CAP2: variants seen among roughly 807,000 people sequenced by gnomAD.
CAP2 encodes the protein cyclase associated actin cytoskeleton regulatory protein 2, also known as adenylyl cyclase-associated protein 2.
Under a neutral mutation model 57.7 loss-of-function variants are expected in CAP2, and 24 were observed. That is an observed-to-expected ratio of 0.42 (90% confidence interval 0.30 to 0.58). The LOEUF (loss-of-function observed/expected upper bound fraction) is 0.58, where lower values mean the gene tolerates loss of function less well. Ranked by LOEUF, CAP2 falls within the 20% of genes least tolerant of loss-of-function variation. The probability of loss-of-function intolerance (pLI) is 0.22; values close to 1 mark genes in which losing one functional copy is unlikely to be tolerated. For missense variants in CAP2, 501 were observed against 590.3 expected (o/e 0.85, Z 1.57); for synonymous variants, 194 against 207.2 (o/e 0.94, Z 0.55).
chr6:17,403,436 C>T (rs1387130433), intron 1 of CAP2, among the ~76,000 whole-genome samples: 2 of 152,210 alleles, frequency 1.3e-5, no homozygotes, highest in Non-Finnish European at 2.9e-5. Context: ...TACACATCCA[C>T]ATATCCATAA....
Position 17,496,030 on chromosome 6 carries a change from G to GGGC in CAP2, c.301-11137_301-11136insCGG, listed in dbSNP as rs1561804634. On this transcript the variant is annotated intron_variant, in intron 4 of 12. Transcript: ENST00000229922. ...CTGCTGTGCATGCGTGTGTGGGTGG[G>GGGC]GGGGGGGGGTAAGTCAGGGAAAACA... is the stretch of plus-strand genomic sequence containing the variant. Among the ~76,000 whole-genome samples the GGGC allele has an allele frequency of 7.3e-5, 3 of 41,182 alleles. 1 individual carries two copies. The highest frequency in any genetic ancestry group is 5.6e-5 in the Non-Finnish European group (1 of 17,750). The allele number at this position is 41,182 out of a possible 152,430, so 27.0% of individuals were successfully genotyped here. A position where few individuals can be genotyped will look rare whatever the true frequency, so the allele number is the denominator to read the frequency against.
chr6:17,507,445 T>TCCTA (rs2113658149), intron 5 of CAP2, 133 bp downstream of exon 5: 1 of 945,294 alleles, frequency 1.1e-6, no homozygotes, highest in Admixed American at 2.4e-5. Flanking sequence ...ATCCACTTTC[T>TCCTA]CCTACCCTGT....
At position 17,480,773 on chromosome 6, in the gene CAP2, G is replaced by GGTT. The variant is rs1209470148; in HGVS notation, c.300+17700_300+17701insGTT. Reference sequence around the variant, plus strand: ...CTTGGTGCTAAATGTGGTTTTTTTGGTTTTTTTTTTTTTTTTTTTGAGACA... The same window carrying GGTT: ...CTTGGTGCTAAATGTGGTTTTTTTGGGTTTTTTTTTTTTTTTTTTTTTGAGACA... On this transcript the variant is annotated intron_variant, in intron 4 of 12. Coordinates refer to ENST00000229922, the MANE Select transcript of CAP2 (RefSeq NM_006366.3). Among the ~76,000 whole-genome samples, 16 of 136,390 alleles carry GGTT rather than the reference G, an allele frequency of 1.2e-4. 2 individuals are homozygous for GGTT. Among genetic ancestry groups the GGTT allele is most frequent in the Admixed American group, 1.5e-4 (2 of 13,532 alleles). The allele number at this position is 136,390 out of a possible 152,430, so 89.5% of individuals were successfully genotyped here.
chr6:17,424,251 T>C (rs1759521215), intron 2 of CAP2, among the ~76,000 whole-genome samples: 2 of 151,922 alleles, frequency 1.3e-5, no homozygotes, highest in Admixed American at 1.3e-4. Context: ...ATGAAAAAAA[T>C]TAGCTGGGCG....
At chr6:17,474,915 G>A (rs1024294855) in intron 4 of CAP2, among the ~76,000 whole-genome samples, 2 of 152,008 alleles carry the variant, frequency 1.3e-5, no homozygotes, top group African/African-American at 4.8e-5. Context: ...AGCTAGGTTC[G>A]GCCAGGCACA....
At chr6:17,394,567 A>G (rs1758623204) in intron 1 of CAP2, among the ~76,000 whole-genome samples, 1 of 152,220 alleles carries the variant, frequency 6.6e-6, no homozygotes, top group Non-Finnish European at 1.5e-5. Flanking sequence ...AAACAGCCAG[A>G]GTGGAGATGA....
At chr6:17,435,726 A>C (rs1310807635) in intron 3 of CAP2, among the ~76,000 whole-genome samples, 13 of 148,506 alleles carry the variant, frequency 8.8e-5, no homozygotes, top group South Asian at 6.3e-4. Context: ...ATAAAAAAAA[A>C]AAAAAACAAA....
rs77341943 is a variant in CAP2 at position 17,402,250 on chromosome 6, C to T, written c.-2+8504C>T. Among the ~76,000 whole-genome samples, 477 of 152,264 alleles carry T rather than the reference C, an allele frequency of 3.1e-3. 9 individuals are homozygous for T. The East Asian group carries it at 0.043, about 14-fold the overall frequency. ...TTCCTCTTGCTTTCCTTGTGAAAAG[C>T]GTATGTCTACCCCATTTTCCTAATC... On this transcript the variant is annotated intron_variant, in intron 1 of 12. Transcript: ENST00000229922.
At chr6:17,434,292 A>T (rs1759816670) in intron 3 of CAP2, among the ~76,000 whole-genome samples, 1 of 146,546 alleles carries the variant, frequency 6.8e-6, no homozygotes, top group Non-Finnish European at 1.5e-5. Context: ...GCAGTGGTGC[A>T]ATCTCAGATC....
At chr6:17,532,430 C>A (rs138491886) in intron 7 of CAP2, among the ~76,000 whole-genome samples, 1 of 149,704 alleles carries the variant, frequency 6.7e-6, no homozygotes, top group Admixed American at 6.6e-5. Context: ...CGTGAGCCAC[C>A]GCGCCCAGCT....
chr6:17,484,127 A>G (rs1236958172), intron 4 of CAP2, among the ~76,000 whole-genome samples: 3 of 152,068 alleles, frequency 2.0e-5, no homozygotes, highest in African/African-American at 7.2e-5. Context: ...TTCTTTGCAG[A>G]CCAAAATCAA....
chr6:17,423,238 T>A (rs1231860625), intron 2 of CAP2, among the ~76,000 whole-genome samples: 1 of 152,242 alleles, frequency 6.6e-6, no homozygotes, highest in East Asian at 1.9e-4. Context: ...CAAAAATTAC[T>A]GTGTGAGCAC....
At chr6:17,433,620 C>T (rs778867646) in intron 3 of CAP2, among the ~76,000 whole-genome samples, 5 of 152,218 alleles carry the variant, frequency 3.3e-5, no homozygotes, top group Admixed American at 6.5e-5. Context: ...TTCATTTCTG[C>T]GCCTTTGCAC....
intron 7 of CAP2, among the ~76,000 whole-genome samples, chr6:17,530,499 G>T (rs963490301): frequency 1.3e-5 from 2 of 152,160 alleles, no homozygotes; most frequent in African/African-American, 4.8e-5. Flanking sequence ...TCAGAGATGG[G>T]CAGTTAAAGA....
At chr6:17,502,277 A>G (rs1761844689) in intron 4 of CAP2, among the ~76,000 whole-genome samples, 1 of 151,722 alleles carries the variant, frequency 6.6e-6, no homozygotes, top group Admixed American at 6.6e-5. Flanking sequence ...CCTCTCATAG[A>G]CCCCCCATTG....
intron 7 of CAP2, among the ~76,000 whole-genome samples, chr6:17,538,738 C>G (rs1042890008): frequency 2.6e-5 from 4 of 152,142 alleles, no homozygotes; most frequent in African/African-American, 9.7e-5. Context: ...GGTCAGTTTG[C>G]AGCAGGCATA....
chr6:17,504,245 G>A (rs971108748), intron 4 of CAP2, among the ~76,000 whole-genome samples: 2 of 152,120 alleles, frequency 1.3e-5, no homozygotes, highest in African/African-American at 2.4e-5. Context: ...AGCATGACAT[G>A]TTCTCTCATT....
intron 3 of CAP2, among the ~76,000 whole-genome samples, chr6:17,454,113 T>C (rs970247669): frequency 1.3e-5 from 2 of 151,802 alleles, no homozygotes; most frequent in African/African-American, 4.8e-5. Flanking sequence ...TTTTACCATG[T>C]TGCCCAGGCT....
At chr6:17,529,827 C>T (rs1417282846) in intron 7 of CAP2, among the ~76,000 whole-genome samples, 3 of 151,452 alleles carry the variant, frequency 2.0e-5, no homozygotes, top group African/African-American at 7.3e-5. Flanking sequence ...GTTTTATGTT[C>T]CATATTACAC....
Sources: gnomAD v4.1 joint callset for allele counts (sites outside exome capture counted in the v4.1 genomes callset) on GRCh38, gnomAD v4.1.1 for gene constraint, MANE v1.5 for transcripts, NCBI Gene and HGNC (gene_info 2026-07-23, HGNC 2026-07-21) for gene names.